The following KCNQ5 variants were observed in gnomAD, a reference collection of about 807,000 sequenced individuals.
The protein encoded by KCNQ5 is potassium voltage-gated channel subfamily Q member 5, also known as potassium voltage-gated channel subfamily KQT member 5.
A neutral mutation model predicts 98.2 loss-of-function variants in KCNQ5; 30 were observed. That is an observed-to-expected ratio of 0.31 (90% CI 0.23 to 0.41). The LOEUF (loss-of-function observed/expected upper bound fraction) is 0.41. KCNQ5 is among the 10% of genes least tolerant of loss of function. KCNQ5 has a pLI of 1.00. For missense variants in KCNQ5, 835 were observed against 1,182.5 expected, an observed-to-expected ratio of 0.71 and a Z score of 4.31; for synonymous variants, 458 against 449.4, an observed-to-expected ratio of 1.02 and a Z score of -0.24.
rs145743938 is a variant in KCNQ5 at position 72,714,003 on chromosome 6, A to G, written c.398+91416A>G. 5.9e-5 allele frequency among the ~76,000 whole-genome samples: 9 copies of G among 152,198 alleles called. No individual in the cohort carries two copies. The East Asian group carries it at 1.7e-3, about 29-fold the overall frequency. On this transcript the variant is annotated intron_variant, in intron 1 of 13. Transcript: ENST00000370398. ...ACTGGAATGAGTTTCCCTTTCCCCT[A>G]CGTGCAAGATAAAATGCCATTCATT...
intron 1 of KCNQ5, among the ~76,000 whole-genome samples, chr6:72,698,362 C>G (rs1216222906): frequency 6.6e-6 from 1 of 152,038 alleles, no homozygotes; most frequent in East Asian, 1.9e-4. Context: ...TGCCACCACG[C>G]CTGGCTAATT....
chr6:72,745,207 G>A (rs1771321130), intron 1 of KCNQ5, among the ~76,000 whole-genome samples: 1 of 152,144 alleles, frequency 6.6e-6, no homozygotes, highest in Non-Finnish European at 1.5e-5. Flanking sequence ...TGGAAATTGT[G>A]TTCTTTTCCA....
At chr6:73,019,472 T>G (rs1357844876) in intron 2 of KCNQ5, among the ~76,000 whole-genome samples, 2 of 152,146 alleles carry the variant, frequency 1.3e-5, no homozygotes, top group African/African-American at 4.8e-5. Context: ...ATGCAGTCCT[T>G]TCCAGTGAAA....
intron 10 of KCNQ5, chr6:73,157,915 C>G: frequency 1.3e-6 from 1 of 775,020 alleles, no homozygotes. Context: ...TGCTCCTGCC[C>G]CGCTGTCAAA....
Position 73,133,587 on chromosome 6 carries a change from C to T in KCNQ5, c.1414C>T (p.Arg472Cys), listed in dbSNP as rs1368108856. 2 of 1,614,214 alleles carry T rather than the reference C, an allele frequency of 1.2e-6. No individual in the cohort carries two copies. Residue 472 changes from arginine to cysteine, a missense_variant, in exon 10 of 14, where the codon CGC becomes TGC. Physicochemically the swap from Arg to Cys is radical, Grantham distance 180 (BLOSUM62 -3). Coordinates refer to ENST00000370398, the MANE Select transcript of KCNQ5 (RefSeq NM_019842.4). ...GAGCTGGAGCTTCAACGACCGAACC[C>T]GCTTCCGGCCCTCGCTGCGCCTCAA... The part of the protein sequence containing the change: ...QKSWSFNDRT[R>C]FRPSLRLKSS...
At chr6:72,725,976 A>G (rs1239454457) in intron 1 of KCNQ5, among the ~76,000 whole-genome samples, 1 of 152,120 alleles carries the variant, frequency 6.6e-6, no homozygotes, top group African/African-American at 2.4e-5. Flanking sequence ...GATGCATCAC[A>G]GTCATAGCTT....
chr6:72,898,810 A>G (rs1779359203), intron 1 of KCNQ5, among the ~76,000 whole-genome samples: 3 of 152,124 alleles, frequency 2.0e-5, no homozygotes, highest in African/African-American at 4.8e-5. Context: ...AAGGGTTCCT[A>G]TTTCTCCACA....
intron 12 of KCNQ5, among the ~76,000 whole-genome samples, chr6:73,191,415 C>T (rs1053362199): frequency 5.3e-5 from 8 of 152,088 alleles, no homozygotes; most frequent in Admixed American, 2.0e-4. Flanking sequence ...GAAATGAATT[C>T]CACATGTTAA....
chr6:73,107,907 C>T (rs1453347990), intron 6 of KCNQ5, among the ~76,000 whole-genome samples: 2 of 151,922 alleles, frequency 1.3e-5, no homozygotes, highest in Non-Finnish European at 2.9e-5. Context: ...CTGAATGGTC[C>T]ATATATACCT....
At chr6:72,730,341 T>A (rs1252798600) in intron 1 of KCNQ5, among the ~76,000 whole-genome samples, 1 of 152,172 alleles carries the variant, frequency 6.6e-6, no homozygotes, top group African/African-American at 2.4e-5. Context: ...TATGGATTAA[T>A]TTATTAGTTT....
chr6:73,059,330 A>G (rs994196953), intron 3 of KCNQ5, among the ~76,000 whole-genome samples: 4 of 152,170 alleles, frequency 2.6e-5, no homozygotes, highest in African/African-American at 4.8e-5. Context: ...CCAAATACAC[A>G]TGTTCTCACT....
At chr6:72,773,271 C>T (rs909884145) in intron 1 of KCNQ5, among the ~76,000 whole-genome samples, 3 of 152,096 alleles carry the variant, frequency 2.0e-5, no homozygotes, top group Admixed American at 6.6e-5. Context: ...GAAAATGTGG[C>T]ACATATACAC....
intron 1 of KCNQ5, among the ~76,000 whole-genome samples, chr6:72,957,507 G>A (rs1408007742): frequency 6.6e-6 from 1 of 151,986 alleles, no homozygotes; most frequent in African/African-American, 2.4e-5. Context: ...CCAAGGCCTC[G>A]CTCCCAGGGA....
intron 1 of KCNQ5, among the ~76,000 whole-genome samples, chr6:72,826,910 G>T (rs1185099583): frequency 6.6e-6 from 1 of 151,882 alleles, no homozygotes; most frequent in Non-Finnish European, 1.5e-5. Context: ...AGTTTCCTCT[G>T]TTCTACTTTA....
At chr6:73,124,892 A>T (rs1775885560) in intron 9 of KCNQ5, among the ~76,000 whole-genome samples, 1 of 142,330 alleles carries the variant, frequency 7.0e-6, no homozygotes, top group Admixed American at 7.1e-5. Context: ...TCCAGGCAGC[A>T]GTCTAGGATA....
intron 1 of KCNQ5, among the ~76,000 whole-genome samples, chr6:72,763,646 A>C (rs17741346): frequency 6.6e-6 from 1 of 152,014 alleles, no homozygotes; most frequent in Non-Finnish European, 1.5e-5. Context: ...TGAGGCTTCT[A>C]TTGTAATTTC....
chr6:73,160,648 C>G (rs1777583086), intron 10 of KCNQ5, among the ~76,000 whole-genome samples: 1 of 152,172 alleles, frequency 6.6e-6, no homozygotes, highest in Admixed American at 6.5e-5. Flanking sequence ...TCAAATTGCT[C>G]CTCTGCAAAA....
intron 1 of KCNQ5, among the ~76,000 whole-genome samples, chr6:72,709,958 T>C (rs1769281348): frequency 1.3e-5 from 2 of 152,036 alleles, no homozygotes; most frequent in African/African-American, 4.8e-5. Context: ...ATTATCATGG[T>C]GGGTGGTGAT....
chr6:72,687,633 A>G (rs982095272), intron 1 of KCNQ5, among the ~76,000 whole-genome samples: 1 of 152,216 alleles, frequency 6.6e-6, no homozygotes, highest in African/African-American at 2.4e-5. Flanking sequence ...TGCTAGGCAA[A>G]TGATGGATGT....
Sources: gnomAD v4.1 joint callset for allele counts (sites outside exome capture counted in the v4.1 genomes callset) on GRCh38, gnomAD v4.1.1 for gene constraint, MANE v1.5 for transcripts, NCBI Gene and HGNC (gene_info 2026-07-23, HGNC 2026-07-21) for gene names.